The following PPP1R12B variants were observed in gnomAD, a reference collection of about 807,000 sequenced individuals.
PPP1R12B encodes the protein myosin phosphatase target subunit 2.
In PPP1R12B, 76 loss-of-function variants were observed where a neutral mutation model predicts 126.1. That is an observed-to-expected ratio of 0.60 (90% CI 0.50 to 0.73). PPP1R12B has a LOEUF of 0.73. PPP1R12B is among the 30% of genes least tolerant of loss of function. PPP1R12B has a pLI of 0.00. For missense variants in PPP1R12B, 1,052 were observed against 1,205.1 expected (o/e 0.87, Z 1.88); for synonymous variants, 356 against 434.7 (o/e 0.82, Z 2.25).
intron 2 of PPP1R12B, among the ~76,000 whole-genome samples, chr1:202,418,583 A>G (rs984547273): frequency 6.6e-6 from 1 of 152,188 alleles, no homozygotes; most frequent in Non-Finnish European, 1.5e-5. Context: ...ATTACCTTGA[A>G]TGAAATAAAT....
chr1:202,581,788 T>G lies in PPP1R12B; in HGVS notation c.*1228T>G, dbSNP rs546479695. 27 of 152,306 alleles carry G rather than the reference T, an allele frequency of 1.8e-4. No homozygotes were observed. The highest frequency in any genetic ancestry group is 6.5e-4 in the African/African-American group (27 of 41,574). The allele number at this position is 152,306 out of a possible 1,614,324, so 9.4% of individuals were successfully genotyped here. ...TGGTGAATTTGATTATTTCCAGTGG[T>G]TAGATTTAGCAGAGAGATTTACTTT... On this transcript the variant is annotated 3_prime_UTR_variant, in exon 24 of 24. Transcript: ENST00000608999.
At chr1:202,498,558 A>G (rs1320995196) in intron 18 of PPP1R12B, among the ~76,000 whole-genome samples, 2 of 152,180 alleles carry the variant, frequency 1.3e-5, no homozygotes, top group African/African-American at 4.8e-5. Flanking sequence ...TAAATTCTTA[A>G]CTGTTTTTCT....
intron 18 of PPP1R12B, among the ~76,000 whole-genome samples, chr1:202,517,630 CTTT>C (rs59698189): frequency 6.8e-6 from 1 of 147,720 alleles, no homozygotes; most frequent in Admixed American, 6.7e-5. Context: ...AATGAGGTAT[CTTT>C]TTTTTTTTTT....
intron 1 of PPP1R12B, among the ~76,000 whole-genome samples, chr1:202,406,596 G>A (rs1666634293): frequency 6.6e-6 from 1 of 152,190 alleles, no homozygotes; most frequent in African/African-American, 2.4e-5. Context: ...TTCTGTGACT[G>A]AATATATGAC....
Position 202,349,010 on chromosome 1 carries a change from GGTCCGCTT to G in PPP1R12B, c.160_167del (p.Val54ArgfsTer12). ...CGCTGACCAGGCGCGGGAGCCCCAG[GGTCCGCTT>G]CGAGGACGGTGCTGTCTTTCTGGCC... On this transcript the variant is annotated frameshift_variant, in exon 1 of 24. Transcript: ENST00000608999. LOFTEE classifies it high-confidence loss of function. 1 of 1,609,772 alleles carries G rather than the reference GGTCCGCTT, an allele frequency of 6.2e-7. No individual in the cohort carries two copies. The highest frequency in any genetic ancestry group is 8.5e-7 in the Non-Finnish European group (1 of 1,178,412).
chr1:202,524,032 A>G (rs964101098), intron 18 of PPP1R12B, among the ~76,000 whole-genome samples: 14 of 152,124 alleles, frequency 9.2e-5, no homozygotes, highest in African/African-American at 3.4e-4. Context: ...TAAGTTTTAA[A>G]AGAATCATTC....
intron 18 of PPP1R12B, among the ~76,000 whole-genome samples, chr1:202,532,645 A>C (rs1373064348): frequency 1.3e-5 from 2 of 152,042 alleles, no homozygotes; most frequent in Non-Finnish European, 2.9e-5. Flanking sequence ...TAGCAAACCC[A>C]ATTCTTTGGT....
At chr1:202,405,519 A>C (rs1217703554) in intron 1 of PPP1R12B, among the ~76,000 whole-genome samples, 1 of 152,242 alleles carries the variant, frequency 6.6e-6, no homozygotes, top group African/African-American at 2.4e-5. Flanking sequence ...GTAATATAAT[A>C]ATAGCAGCTA....
intron 1 of PPP1R12B, among the ~76,000 whole-genome samples, chr1:202,393,089 G>A (rs534478651): frequency 1.3e-5 from 2 of 152,138 alleles, no homozygotes; most frequent in South Asian, 4.2e-4. Flanking sequence ...GGGACTACAG[G>A]CACACACCAC....
intron 18 of PPP1R12B, among the ~76,000 whole-genome samples, chr1:202,503,911 T>C (rs1205766057): frequency 6.6e-6 from 1 of 152,098 alleles, no homozygotes; most frequent in Admixed American, 6.6e-5. Flanking sequence ...AGAAATTGCT[T>C]CCTTTCTGCA....
At chr1:202,577,588 T>G (rs1240007438) in intron 23 of PPP1R12B, among the ~76,000 whole-genome samples, 1 of 152,026 alleles carries the variant, frequency 6.6e-6, no homozygotes, top group Non-Finnish European at 1.5e-5. Flanking sequence ...TTTTTAATAG[T>G]TCCCTGGAAA....
chr1:202,422,481 A>G (rs1398843895), intron 2 of PPP1R12B, 139 bp from the exon 3 acceptor site: 1 of 695,954 alleles, frequency 1.4e-6, no homozygotes, highest in Non-Finnish European at 2.5e-6. Flanking sequence ...GGCACATAGA[A>G]ATTAATAATG....
intron 13 of PPP1R12B, among the ~76,000 whole-genome samples, chr1:202,465,686 G>A (rs1393171598): frequency 6.6e-6 from 1 of 152,118 alleles, no homozygotes; most frequent in African/African-American, 2.4e-5. Context: ...GCTTGTTTCT[G>A]ATTCTTCTTT....
chr1:202,562,943 T>G (rs1360404598), intron 20 of PPP1R12B, 21 bp downstream of exon 20: 1 of 1,537,716 alleles, frequency 6.5e-7, no homozygotes, highest in South Asian at 1.3e-5. Flanking sequence ...TATTCAATTT[T>G]CCGGTTCTTT....
At chr1:202,401,361 A>ATTTTTTTT (rs34810265) in intron 1 of PPP1R12B, among the ~76,000 whole-genome samples, 730 of 71,458 alleles carry the variant, frequency 0.01, 33 homozygotes, top group Middle Eastern at 0.016. Context: ...GGCTAATTTA[A>ATTTTTTTT]TTTTTTTTTT....
At chr1:202,574,343 C>T (rs1237206962) in intron 23 of PPP1R12B, among the ~76,000 whole-genome samples, 2 of 152,214 alleles carry the variant, frequency 1.3e-5, no homozygotes, top group African/African-American at 4.8e-5. Context: ...AATCCTGTCT[C>T]TACAAAAAAT....
chr1:202,568,002 T>A (rs185468824), intron 22 of PPP1R12B, among the ~76,000 whole-genome samples, 171 bp downstream of exon 22: 2 of 152,296 alleles, frequency 1.3e-5, no homozygotes, highest in East Asian at 3.9e-4. Flanking sequence ...TAGGCAGTAA[T>A]TTGATTGCTA....
intron 13 of PPP1R12B, chr1:202,472,061 G>C: frequency 6.3e-7 from 1 of 1,593,792 alleles, no homozygotes; most frequent in Non-Finnish European, 8.5e-7. Flanking sequence ...GTTTCTTCTT[G>C]TGTTTCCTCT....
chr1:202,358,681 CAAAA>C (rs200723132), intron 1 of PPP1R12B, among the ~76,000 whole-genome samples: 2 of 109,144 alleles, frequency 1.8e-5, no homozygotes, highest in African/African-American at 7.9e-5. Flanking sequence ...GACTCCGTCT[CAAAA>C]AAAAAAAAAA....
Sources: gnomAD v4.1 joint callset for allele counts (sites outside exome capture counted in the v4.1 genomes callset) on GRCh38, gnomAD v4.1.1 for gene constraint, MANE v1.5 for transcripts, NCBI Gene and HGNC (gene_info 2026-07-23, HGNC 2026-07-21) for gene names.